Variants in TMC1 observed in about 807,000 individuals in gnomAD.
TMC1 encodes the protein transmembrane channel-like protein 1.
In TMC1, 84 loss-of-function variants were observed where a neutral mutation model predicts 105.8. That is an observed-to-expected ratio of 0.79 (90% confidence interval 0.67 to 0.95). The LOEUF (loss-of-function observed/expected upper bound fraction) is 0.95, where lower values mean the gene tolerates loss of function less well. Among genes scored for constraint, TMC1 ranks in the 40% least tolerant of loss-of-function variants. TMC1 has a pLI of 0.00. For missense variants in TMC1, 817 were observed against 914.1 expected (o/e 0.89, Z 1.37); for synonymous variants, 315 against 311.5 (o/e 1.01, Z -0.12).
intron 14 of TMC1, 82 bp from the exon 15 acceptor site, chr9:72,789,041 T>G: frequency 7.4e-7 from 1 of 1,347,624 alleles, no homozygotes; most frequent in Non-Finnish European, 1.1e-6. Flanking sequence ...AAAAATAACT[T>G]TTGAGGTTTT....
chr9:72,749,461 G>A lies in TMC1; in HGVS notation c.536-2389G>A, dbSNP rs115096549. Among the ~76,000 whole-genome samples, 1,304 of 152,170 alleles carry A rather than the reference G, an allele frequency of 8.6e-3. 13 individuals are homozygous for A. Among genetic ancestry groups the A allele is most frequent in the African/African-American group, 0.03 (1,235 of 41,508 alleles). The stretch of plus-strand genomic sequence containing the variant: ...CTGGCTGAGCAGCCCTCAGGTAGTC[G>A]TTACCAGAGAATGTAGATAACGGCC... On this transcript the variant is annotated intron_variant, in intron 10 of 23. Coordinates refer to ENST00000297784, the MANE Select transcript of TMC1 (RefSeq NM_138691.3).
At chr9:72,595,821 C>G (rs1297280155) in intron 2 of TMC1, among the ~76,000 whole-genome samples, 1 of 150,452 alleles carries the variant, frequency 6.6e-6, no homozygotes, top group African/African-American at 2.5e-5. Flanking sequence ...GGATTACAGG[C>G]ATGCACCACC....
intron 13 of TMC1, among the ~76,000 whole-genome samples, chr9:72,773,718 C>A (rs748977629): frequency 3.3e-5 from 5 of 152,130 alleles, no homozygotes; most frequent in Non-Finnish European, 7.4e-5. Context: ...TCATGAGTAT[C>A]ATTTCTGTGT....
Position 72,751,674 on chromosome 9 carries a change from A to G in TMC1, c.536-176A>G, listed in dbSNP as rs1261135381. ...CCACATGACAGGGAATGCTTCCATC[A>G]TGATTAACATTTTCTCTTCCTGAAT... On this transcript the variant is annotated intron_variant, in intron 10 of 23. Coordinates refer to ENST00000297784, the MANE Select transcript of TMC1 (RefSeq NM_138691.3). 2.0e-5 allele frequency among the ~76,000 whole-genome samples: 3 copies of G among 152,306 alleles called. No homozygotes were observed. In the East Asian group the frequency reaches 5.8e-4, roughly 29 times the overall value.
intron 1 of TMC1, among the ~76,000 whole-genome samples, chr9:72,547,503 C>T (rs1823792490): frequency 6.6e-6 from 1 of 152,134 alleles, no homozygotes. Context: ...ATTGCCATGT[C>T]CTTGGTCATG....
chr9:72,790,762 A>C (rs1564556112), intron 15 of TMC1, among the ~76,000 whole-genome samples: 1 of 152,166 alleles, frequency 6.6e-6, no homozygotes. Flanking sequence ...GCCTTGCATA[A>C]GTTTGCACAG....
chr9:72,643,050 G>C (rs1301318819), intron 4 of TMC1, among the ~76,000 whole-genome samples: 1 of 152,074 alleles, frequency 6.6e-6, no homozygotes, highest in Non-Finnish European at 1.5e-5. Context: ...TATTCACGTT[G>C]TTATATGTAT....
chr9:72,635,170 T>A (rs1825513176), intron 4 of TMC1, among the ~76,000 whole-genome samples: 1 of 151,936 alleles, frequency 6.6e-6, no homozygotes, highest in Non-Finnish European at 1.5e-5. Flanking sequence ...GGAGAATTGC[T>A]TGAACTCAGG....
intron 12 of TMC1, among the ~76,000 whole-genome samples, chr9:72,767,519 C>A (rs377552755): frequency 6.6e-6 from 1 of 152,110 alleles, no homozygotes. Flanking sequence ...GTATATTGGG[C>A]AAATAGTAAG....
chr9:72,732,811 T>C (rs1430547906), intron 8 of TMC1, among the ~76,000 whole-genome samples: 1 of 152,196 alleles, frequency 6.6e-6, no homozygotes, highest in Non-Finnish European at 1.5e-5. Context: ...TCAGTTTCCT[T>C]ATCTCTGAGA....
At position 72,771,107 on chromosome 9, in the gene TMC1, G is replaced by C. The variant is rs535431480; in HGVS notation, c.742-1306G>C. ...ATTTTTTCTTAAACTGAAAAATGCA[G>C]ATACAGGCCTGTGTGGCCCAGGGAA... On this transcript the variant is annotated intron_variant, in intron 12 of 23. Coordinates refer to ENST00000297784, the MANE Select transcript of TMC1 (RefSeq NM_138691.3). Among the ~76,000 whole-genome samples, 61 of 152,296 alleles carry C rather than the reference G, an allele frequency of 4.0e-4. 1 individual carries two copies. Among genetic ancestry groups the C allele is most frequent in the Non-Finnish European group, 6.2e-4 (42 of 68,028 alleles).
intron 13 of TMC1, among the ~76,000 whole-genome samples, chr9:72,780,228 A>G (rs1172246268): frequency 6.6e-6 from 1 of 152,228 alleles, no homozygotes; most frequent in Non-Finnish European, 1.5e-5. Context: ...ATTCATTACT[A>G]TCACACTTGC....
At chr9:72,590,115 C>T (rs1342193582) in intron 2 of TMC1, among the ~76,000 whole-genome samples, 1 of 152,134 alleles carries the variant, frequency 6.6e-6, no homozygotes. Context: ...CTGCCTTTTC[C>T]CTCACCCTTT....
intron 10 of TMC1, among the ~76,000 whole-genome samples, chr9:72,749,714 C>T (rs1238101620): frequency 6.6e-6 from 1 of 152,006 alleles, no homozygotes; most frequent in Non-Finnish European, 1.5e-5. Flanking sequence ...ACTTCAAAAT[C>T]ATTGATTTTT....
chr9:72,661,733 G>A (rs1403157327), intron 5 of TMC1, among the ~76,000 whole-genome samples: 2 of 152,110 alleles, frequency 1.3e-5, no homozygotes, highest in Non-Finnish European at 2.9e-5. Context: ...TTAATTTTGA[G>A]TTTCCTTTTA....
chr9:72,648,059 G>A (rs1021831690), intron 4 of TMC1, among the ~76,000 whole-genome samples: 6 of 152,290 alleles, frequency 3.9e-5, no homozygotes, highest in Admixed American at 3.3e-4. Flanking sequence ...TTTCAGAAAA[G>A]TTGAGAAAAT....
At chr9:72,641,917 A>C (rs954983794) in intron 4 of TMC1, among the ~76,000 whole-genome samples, 1 of 146,622 alleles carries the variant, frequency 6.8e-6, no homozygotes, top group South Asian at 2.1e-4. Context: ...TCCCGGGTTC[A>C]AGTGATTCTC....
intron 16 of TMC1, 59 bp from the exon 17 acceptor site, chr9:72,792,132 A>G (rs1828281916): frequency 6.2e-7 from 1 of 1,613,696 alleles, no homozygotes; most frequent in Admixed American, 1.7e-5. Context: ...CAAGTTTGCC[A>G]GAAATGCCTT....
At chr9:72,642,120 G>A (rs999022805) in intron 4 of TMC1, among the ~76,000 whole-genome samples, 1 of 152,068 alleles carries the variant, frequency 6.6e-6, no homozygotes, top group Admixed American at 6.5e-5. Flanking sequence ...CCTGGCCCCA[G>A]ATCTTAGATT....
Sources: gnomAD v4.1 joint callset for allele counts (sites outside exome capture counted in the v4.1 genomes callset) on GRCh38, gnomAD v4.1.1 for gene constraint, MANE v1.5 for transcripts, NCBI Gene and HGNC (gene_info 2026-07-23, HGNC 2026-07-21) for gene names.